FBN2: variants seen among roughly 807,000 people sequenced by gnomAD.
FBN2 encodes fibrillin 2, also known as fibrillin-2.
FBN2 carries 105 observed loss-of-function variants against 355.6 expected under a neutral mutation model. The ratio of observed to expected loss-of-function variants is 0.30; its 90% CI spans 0.25 to 0.35. The LOEUF (loss-of-function observed/expected upper bound fraction) is 0.35. FBN2 is among the 10% of genes least tolerant of loss of function. The pLI is 1.00. For missense variants in FBN2, 3,280 were observed against 3,758.7 expected, an observed-to-expected ratio of 0.87 and a Z score of 3.33; for synonymous variants, 1,350 against 1,301.2, an observed-to-expected ratio of 1.04 and a Z score of -0.81.
chr5:128,502,585 T>C (rs1755848002), intron 5 of FBN2, among the ~76,000 whole-genome samples: 1 of 120,846 alleles, frequency 8.3e-6, no homozygotes, highest in African/African-American at 4.7e-5. Context: ...AATCTATAGG[T>C]GAGGTGAAAA....
chr5:128,316,773 G>T (rs2126852208), intron 36 of FBN2, among the ~76,000 whole-genome samples: 1 of 152,266 alleles, frequency 6.6e-6, no homozygotes, highest in African/African-American at 2.4e-5. Flanking sequence ...GCATTTGTTT[G>T]CTTACATTTT....
intron 37 of FBN2, among the ~76,000 whole-genome samples, chr5:128,312,287 T>C (rs1335125405): frequency 6.6e-6 from 1 of 152,196 alleles, no homozygotes; most frequent in Non-Finnish European, 1.5e-5. Context: ...ATTCTATAAT[T>C]GACTTCAAGA....
chr5:128,328,921 T>A, intron 33 of FBN2, 100 bp from the exon 34 acceptor site: 1 of 1,253,540 alleles, frequency 8.0e-7, no homozygotes, highest in Non-Finnish European at 1.2e-6. Context: ...CTTGACTTAA[T>A]GCTCATTAAC....
chr5:128,477,195 A>G (rs1043050056), intron 5 of FBN2, among the ~76,000 whole-genome samples: 2 of 152,216 alleles, frequency 1.3e-5, no homozygotes, highest in Middle Eastern at 3.2e-3. Flanking sequence ...CACACTAGCC[A>G]CATGTCAAGT....
chr5:128,322,961 T>C (rs12087866), intron 34 of FBN2, among the ~76,000 whole-genome samples: 1 of 152,224 alleles, frequency 6.6e-6, no homozygotes, highest in Non-Finnish European at 1.5e-5. Flanking sequence ...CAGTGGTTAG[T>C]GGTTCTCCTT....
At chr5:128,502,685 C>A (rs1755851069) in intron 5 of FBN2, among the ~76,000 whole-genome samples, 1 of 151,856 alleles carries the variant, frequency 6.6e-6, no homozygotes, top group Non-Finnish European at 1.5e-5. Flanking sequence ...GAAATTGTGG[C>A]CTAAGTATTT....
At chr5:128,437,773 T>TATAGATAG (rs68027593) in intron 7 of FBN2, among the ~76,000 whole-genome samples, 65 of 148,244 alleles carry the variant, frequency 4.4e-4, no homozygotes, top group South Asian at 6.6e-4. Context: ...AGTATGTATG[T>TATAGATAG]ATAGATAGAT....
At chr5:128,526,343 C>A (rs1581371780) in intron 4 of FBN2, among the ~76,000 whole-genome samples, 1 of 152,176 alleles carries the variant, frequency 6.6e-6, no homozygotes, top group East Asian at 1.9e-4. Flanking sequence ...AGTATGGCAG[C>A]ATTTCAAAAA....
In FBN2 at chr5:128,288,669, T is replaced by C. The variant is rs1051414026; in HGVS notation, c.6638-112A>G. The C allele has an allele frequency of 8.9e-6, 11 of 1,242,692 alleles. No homozygotes were observed. In the Admixed American group the frequency reaches 1.0e-4, roughly 12 times the overall value. 77.0% of individuals were successfully genotyped at this position (1,242,692 alleles called of 1,614,324 possible). A position where few individuals can be genotyped will look rare whatever the true frequency, so the allele number is the denominator to read the frequency against. On this transcript the variant is annotated intron_variant, in intron 52 of 64. Transcript: ENST00000262464. ...ATTTCCAGGATCTGAGAAGGGCACA[T>C]GTAACCCTGGCATCCCTTGGGCCTT...
At chr5:128,340,835 C>A (rs153976) in intron 25 of FBN2, among the ~76,000 whole-genome samples, 88,953 of 150,762 alleles carry the variant, frequency 0.59, 27,019 homozygotes, top group Middle Eastern at 0.77. Context: ...CTCTCTCTCT[C>A]TATATATATA....
At chr5:128,425,029 T>TTC (rs1753449595) in intron 7 of FBN2, among the ~76,000 whole-genome samples, 1 of 147,126 alleles carries the variant, frequency 6.8e-6, no homozygotes. Context: ...TTTTTTTTTT[T>TTC]CTCTCTCTGT....
At chr5:128,422,339 A>G (rs1028417130) in intron 7 of FBN2, among the ~76,000 whole-genome samples, 1 of 152,230 alleles carries the variant, frequency 6.6e-6, no homozygotes, top group African/African-American at 2.4e-5. Context: ...AGGGAACACA[A>G]GCAATTTTAC....
At chr5:128,385,364 ATGT>A (rs1434074163) in intron 11 of FBN2, among the ~76,000 whole-genome samples, 2 of 152,132 alleles carry the variant, frequency 1.3e-5, no homozygotes, top group African/African-American at 2.4e-5. Context: ...AGCTCCATCC[ATGT>A]TGTTGCAAAG....
chr5:128,492,803 CAAAAAAAAAAA>C (rs578258680), intron 5 of FBN2, among the ~76,000 whole-genome samples: 3 of 43,782 alleles, frequency 6.9e-5, no homozygotes, highest in Non-Finnish European at 1.1e-4. Flanking sequence ...AACTCCATCT[CAAAAAAAAAAA>C]AAAAAAAAAA....
chr5:128,332,673 G>T (rs1459430882), intron 32 of FBN2, among the ~76,000 whole-genome samples: 4 of 152,110 alleles, frequency 2.6e-5, no homozygotes, highest in Admixed American at 2.0e-4. Flanking sequence ...ATCACCAGCT[G>T]CATATCAATT....
chr5:128,396,888 C>T (rs1200632503), intron 8 of FBN2, among the ~76,000 whole-genome samples: 1 of 152,164 alleles, frequency 6.6e-6, no homozygotes, highest in Admixed American at 6.5e-5. Context: ...CTGTTAATTG[C>T]TTATAATTCC....
rs942869964 is a variant in FBN2 at position 128,288,561 on chromosome 5, A to G, written c.6638-4T>C. The G allele has an allele frequency of 6.2e-7, 1 of 1,613,284 alleles. No individual in the cohort carries two copies. Among genetic ancestry groups the G allele is most frequent in the Non-Finnish European group, 8.5e-7 (1 of 1,179,912 alleles). ...CCGATTGAACACTCATCAGTATCTG[A>G]AAAAGAAGAATAAGAAACTGCCACA... On this transcript the variant is annotated splice_polypyrimidine_tract_variant and splice_region_variant and intron_variant, in intron 52 of 64. Coordinates refer to ENST00000262464, the MANE Select transcript of FBN2 (RefSeq NM_001999.4).
intron 13 of FBN2, among the ~76,000 whole-genome samples, chr5:128,377,438 T>C (rs1224747842): frequency 6.6e-6 from 1 of 152,112 alleles, no homozygotes; most frequent in East Asian, 1.9e-4. Flanking sequence ...CGGTCAGTAA[T>C]TGTTTAAACT....
chr5:128,368,581 C>T (rs1341286158), intron 16 of FBN2, among the ~76,000 whole-genome samples: 1 of 150,738 alleles, frequency 6.6e-6, no homozygotes, highest in East Asian at 1.9e-4. Flanking sequence ...TTGTCTTCAC[C>T]ATGACAGCAC....
Sources: allele counts gnomAD v4.1 joint callset (sites outside exome capture counted in the v4.1 genomes callset), GRCh38; gene constraint gnomAD v4.1.1; transcripts MANE v1.5; gene names NCBI Gene and HGNC (gene_info 2026-07-23, HGNC 2026-07-21).